Variants in AGBL1 observed in about 807,000 individuals in gnomAD.
AGBL1 encodes AGBL carboxypeptidase 1, also known as cytosolic carboxypeptidase 4.
Under a neutral mutation model 118.9 loss-of-function variants are expected in AGBL1, and 130 were observed. That is an observed-to-expected ratio of 1.09 (90% confidence interval 0.95 to 1.26). The LOEUF (loss-of-function observed/expected upper bound fraction) is 1.26. Ranked by LOEUF, AGBL1 falls within the 50% of genes most tolerant of loss-of-function variation. The probability of loss-of-function intolerance (pLI) is 0.00; values close to 1 mark genes in which losing one functional copy is unlikely to be tolerated. For missense variants in AGBL1, 1,584 were observed against 1,298.1 expected (o/e 1.22, Z -3.38); for synonymous variants, 555 against 478.9 (o/e 1.16, Z -2.08).
intron 15 of AGBL1, among the ~76,000 whole-genome samples, chr15:86,278,428 C>T (rs2079293236): frequency 6.6e-6 from 1 of 151,918 alleles, no homozygotes; most frequent in South Asian, 2.1e-4. Context: ...TCCCTTAGTC[C>T]CATTCCGAGG....
intron 21 of AGBL1, among the ~76,000 whole-genome samples, chr15:86,622,462 A>C (rs776912709): frequency 6.6e-6 from 1 of 152,156 alleles, no homozygotes; most frequent in African/African-American, 2.4e-5. Context: ...ACCAGTCATC[A>C]TGGAAAGATA....
At chr15:86,850,825 C>G (rs1166673024) in intron 22 of AGBL1, among the ~76,000 whole-genome samples, 2 of 115,748 alleles carry the variant, frequency 1.7e-5, no homozygotes, top group Non-Finnish European at 3.9e-5. Context: ...AGCTAAAAAA[C>G]AAAACAAAAC....
chr15:86,857,566 C>T (rs915243504), intron 22 of AGBL1, among the ~76,000 whole-genome samples: 1 of 152,354 alleles, frequency 6.6e-6, no homozygotes, highest in East Asian at 1.9e-4. Flanking sequence ...CTTTGAATCT[C>T]AACTCAAAAG....
At position 86,785,477 on chromosome 15, in the gene AGBL1, C is replaced by T. The variant is rs372065013; in HGVS notation, c.3158+111041C>T. On this transcript the variant is annotated intron_variant, in intron 22 of 22. Coordinates refer to ENST00000614907, the MANE Select transcript of AGBL1 (RefSeq NM_001386094.1). ...GCAACCTCCACCTCCCAGGTTCAAGCGATCCTCCTGCCTCAGCCTCCCAAG... is the reference window on the plus strand; with the variant it reads ...GCAACCTCCACCTCCCAGGTTCAAGTGATCCTCCTGCCTCAGCCTCCCAAG... Among the ~76,000 whole-genome samples, 15 of 150,106 alleles carry T rather than the reference C, an allele frequency of 1.0e-4. No individual in the cohort carries two copies. In the East Asian group the frequency reaches 1.2e-3, roughly 12 times the overall value.
intron 15 of AGBL1, among the ~76,000 whole-genome samples, chr15:86,277,659 G>A (rs2079278909): frequency 6.6e-6 from 1 of 152,126 alleles, no homozygotes. Flanking sequence ...TAGTGCAGTG[G>A]GGAACCTAAA....
intron 17 of AGBL1, among the ~76,000 whole-genome samples, chr15:86,325,034 T>C (rs34423324): frequency 0.046 from 7,016 of 152,250 alleles, 185 homozygotes; most frequent in South Asian, 0.072. Context: ...GAGTGCATTA[T>C]AGACCAGGCT....
chr15:86,439,362 G>C (rs1445968832), intron 18 of AGBL1, among the ~76,000 whole-genome samples: 1 of 152,120 alleles, frequency 6.6e-6, no homozygotes, highest in Non-Finnish European at 1.5e-5. Flanking sequence ...CCCACACTTA[G>C]AGATGACATC....
At chr15:86,464,645 A>C (rs911806982) in intron 18 of AGBL1, among the ~76,000 whole-genome samples, 17 of 152,206 alleles carry the variant, frequency 1.1e-4, no homozygotes, top group Non-Finnish European at 2.5e-4. Flanking sequence ...AGTTTTTAGC[A>C]TGAAGGGGTG....
intron 18 of AGBL1, among the ~76,000 whole-genome samples, chr15:86,403,183 CA>C (rs1319746681): frequency 6.6e-6 from 1 of 152,096 alleles, no homozygotes; most frequent in Non-Finnish European, 1.5e-5. Context: ...ATAAGTCAAG[CA>C]TGATTCCCAA....
At chr15:86,706,134 A>G (rs1402654639) in intron 22 of AGBL1, among the ~76,000 whole-genome samples, 1 of 152,096 alleles carries the variant, frequency 6.6e-6, no homozygotes, top group Non-Finnish European at 1.5e-5. Context: ...ATTTGTCTAT[A>G]TGGATTATGA....
At chr15:86,622,323 T>A (rs1596315402) in intron 21 of AGBL1, among the ~76,000 whole-genome samples, 1 of 128,306 alleles carries the variant, frequency 7.8e-6, no homozygotes, top group Admixed American at 8.0e-5. Context: ...AGACTGAGAC[T>A]CCATCTCAAA....
intron 21 of AGBL1, among the ~76,000 whole-genome samples, chr15:86,638,598 T>C (rs1209731708): frequency 2.0e-5 from 3 of 152,178 alleles, no homozygotes; most frequent in Admixed American, 2.0e-4. Context: ...CCCCACACTT[T>C]GTTCTTCACA....
rs932358126 is a variant in AGBL1, at chr15:86,266,405, A to T, written c.1699A>T (p.Ile567Phe). The T allele has an allele frequency of 8.2e-6, 13 of 1,581,786 alleles. No individual in the cohort carries two copies. Among genetic ancestry groups the T allele is most frequent in the Middle Eastern group, 1.7e-4 (1 of 6,048 alleles). ...IRIFEDIRRL[I>F]QPSDVINKVV... is the part of the protein sequence containing the mutation. ...GATATTTGAGGATATTCGGAGGCTC[A>T]TCCAGCCAAGTGATGTTATAAATAA... The change falls in exon 12 of 23, where the codon ATC (isoleucine) becomes TTC (phenylalanine). Residue 567 changes from isoleucine (I) to phenylalanine (F), a missense_variant. Coordinates refer to ENST00000614907, the MANE Select transcript of AGBL1 (RefSeq NM_001386094.1).
intron 22 of AGBL1, among the ~76,000 whole-genome samples, chr15:86,697,084 A>C (rs542273548): frequency 6.6e-6 from 1 of 151,872 alleles, no homozygotes; most frequent in South Asian, 2.1e-4. Flanking sequence ...TAGGTATTGA[A>C]GTTTTTGTGA....
chr15:86,465,359 T>A (rs1375093309), intron 18 of AGBL1, among the ~76,000 whole-genome samples: 3 of 152,164 alleles, frequency 2.0e-5, no homozygotes, highest in African/African-American at 7.2e-5. Context: ...GATTGCATTA[T>A]CTGCAAAAGT....
At chr15:86,777,223 T>C (rs2078270027) in intron 22 of AGBL1, among the ~76,000 whole-genome samples, 1 of 152,114 alleles carries the variant, frequency 6.6e-6, no homozygotes, top group Non-Finnish European at 1.5e-5. Flanking sequence ...CATGTTATGT[T>C]CCCTTGATTT....
intron 23 of AGBL1, among the ~76,000 whole-genome samples, chr15:86,970,208 G>A (rs1213354340): frequency 6.6e-6 from 1 of 151,754 alleles, no homozygotes; most frequent in Non-Finnish European, 1.5e-5. Context: ...AACAACCCCT[G>A]AATGAGATCC....
intron 1 of AGBL1, among the ~76,000 whole-genome samples, chr15:86,099,603 G>C (rs932466599): frequency 6.7e-6 from 1 of 150,240 alleles, no homozygotes; most frequent in African/African-American, 2.5e-5. Context: ...GCAGTGGTGC[G>C]ATCTTGGCTC....
chr15:86,315,266 G>A (rs901818800), intron 17 of AGBL1, among the ~76,000 whole-genome samples: 5 of 152,164 alleles, frequency 3.3e-5, no homozygotes, highest in African/African-American at 1.2e-4. Context: ...AGGTATTGGA[G>A]TCACTCTTAT....
Sources: gnomAD v4.1 joint callset for allele counts (sites outside exome capture counted in the v4.1 genomes callset) on GRCh38, gnomAD v4.1.1 for gene constraint, MANE v1.5 for transcripts, NCBI Gene and HGNC (gene_info 2026-07-23, HGNC 2026-07-21) for gene names.